The following OR1J2 variants were observed in gnomAD, a reference collection of about 807,000 sequenced individuals.
The protein encoded by OR1J2 is olfactory receptor 1J2.
For synonymous variants in OR1J2, 142 were observed against 99.7 expected, an observed-to-expected ratio of 1.42 and a Z score of -2.52; for missense variants, 304 against 246.1, an observed-to-expected ratio of 1.24 and a Z score of -1.57.
chr9:122,546,990 G>A, the OR1J2 span, among the ~76,000 whole-genome samples: 6,949 of 152,066 alleles, frequency 0.046, 224 homozygotes, highest in Middle Eastern at 0.078. Flanking sequence ...TTGAAACTAT[G>A]TAATGTATTA....
At chr9:122,481,114 C>T in the OR1J2 span, among the ~76,000 whole-genome samples, 3 of 152,036 alleles carry the variant, frequency 2.0e-5, no homozygotes, top group Non-Finnish European at 4.4e-5. Context: ...TCTAAAAGGC[C>T]CTAGTGTGAG....
At chr9:122,578,132 T>C in the OR1J2 span, among the ~76,000 whole-genome samples, 72 of 152,292 alleles carry the variant, frequency 4.7e-4, no homozygotes, top group Middle Eastern at 3.4e-3. Flanking sequence ...ATCCCACTAC[T>C]GGATATCCAC....
At chr9:122,551,153 T>C in the OR1J2 span, among the ~76,000 whole-genome samples, 1 of 152,152 alleles carries the variant, frequency 6.6e-6, no homozygotes. Context: ...TCAATCCCAT[T>C]TACAATAGCT....
chr9:122,540,334 G>A, the OR1J2 span, among the ~76,000 whole-genome samples: 1 of 152,116 alleles, frequency 6.6e-6, no homozygotes, highest in Non-Finnish European at 1.5e-5. Flanking sequence ...TTCTACATAT[G>A]GCTAGCCAGT....
the OR1J2 span, among the ~76,000 whole-genome samples, chr9:122,563,217 C>G: frequency 5.3e-5 from 8 of 150,636 alleles, no homozygotes; most frequent in Admixed American, 5.3e-4. Context: ...AATAGCCATT[C>G]TAACTGGGAT....
At chr9:122,512,574 T>C (rs1433014637), downstream of OR1J2, among the ~76,000 whole-genome samples, 2 of 152,202 alleles carry the variant, frequency 1.3e-5, no homozygotes, top group African/African-American at 4.8e-5. Context: ...ATTTCAGTAA[T>C]AGAGAAATCA....
the OR1J2 span, among the ~76,000 whole-genome samples, chr9:122,497,635 T>C: frequency 6.6e-6 from 1 of 152,158 alleles, no homozygotes; most frequent in Non-Finnish European, 1.5e-5. Flanking sequence ...TCATTTATTA[T>C]TTGTATGCAT....
At chr9:122,518,387 A>G in the OR1J2 span, among the ~76,000 whole-genome samples, 1 of 152,244 alleles carries the variant, frequency 6.6e-6, no homozygotes, top group Non-Finnish European at 1.5e-5. Context: ...CCCCAGATCA[A>G]GGTACCAGCA....
At chr9:122,568,909 T>C in the OR1J2 span, among the ~76,000 whole-genome samples, 1 of 152,098 alleles carries the variant, frequency 6.6e-6, no homozygotes, top group Non-Finnish European at 1.5e-5. Flanking sequence ...GGGATACATT[T>C]TATGAACAAA....
the OR1J2 span, among the ~76,000 whole-genome samples, chr9:122,481,239 G>A: frequency 6.6e-6 from 1 of 152,148 alleles, no homozygotes; most frequent in Admixed American, 6.5e-5. Context: ...AATGGACTTT[G>A]GCTTCATCCA....
the OR1J2 span, chr9:122,567,139 CTT>C: frequency 6.5e-6 from 1 of 155,018 alleles, no homozygotes; most frequent in Non-Finnish European, 1.4e-5. Context: ...CATTCTTTCT[CTT>C]TTCAATTTTT....
chr9:122,486,838 A>G, the OR1J2 span, among the ~76,000 whole-genome samples: 16,921 of 152,262 alleles, frequency 0.11, 1,134 homozygotes, highest in South Asian at 0.17. Context: ...CCTCCAGCAG[A>G]GCATTGATGG....
the OR1J2 span, chr9:122,519,500 C>T: frequency 1.8e-3 from 2,941 of 1,614,078 alleles, 42 homozygotes; most frequent in African/African-American, 0.034. Flanking sequence ...CAATGGCATA[C>T]GATCGGTATG....
chr9:122,573,324 C>G, the OR1J2 span, among the ~76,000 whole-genome samples: 1 of 152,382 alleles, frequency 6.6e-6, no homozygotes, highest in African/African-American at 2.4e-5. Context: ...TTCTTAACTT[C>G]ACTGCAATAT....
the OR1J2 span, among the ~76,000 whole-genome samples, chr9:122,452,149 A>T: frequency 6.6e-6 from 1 of 152,144 alleles, no homozygotes; most frequent in Non-Finnish European, 1.5e-5. Flanking sequence ...AGGTGCTGGG[A>T]TTACAGGTGT....
the OR1J2 span, among the ~76,000 whole-genome samples, chr9:122,473,879 A>G: frequency 1.3e-5 from 2 of 152,354 alleles, no homozygotes; most frequent in Admixed American, 1.3e-4. Flanking sequence ...CTGCAAGTAT[A>G]CAATAGCATT....
the OR1J2 span, among the ~76,000 whole-genome samples, chr9:122,573,317 T>G: frequency 2.0e-5 from 3 of 152,390 alleles, no homozygotes; most frequent in Non-Finnish European, 1.5e-5. Flanking sequence ...TCAGAGCTTC[T>G]TAACTTCACT....
chr9:122,524,885 A>G, the OR1J2 span, among the ~76,000 whole-genome samples: 1 of 152,140 alleles, frequency 6.6e-6, no homozygotes, highest in Non-Finnish European at 1.5e-5. Context: ...GAGCTCTCCT[A>G]GGAGACCCTC....
At chr9:122,552,564 CAG>C in the OR1J2 span, among the ~76,000 whole-genome samples, 1,049 of 152,090 alleles carry the variant, frequency 6.9e-3, 12 homozygotes, top group African/African-American at 0.024. Context: ...AACATCCTAA[CAG>C]TGGATGGGGG....
Sources: allele counts gnomAD v4.1 joint callset (sites outside exome capture counted in the v4.1 genomes callset), GRCh38; gene constraint gnomAD v4.1.1; transcripts MANE v1.5; gene names NCBI Gene and HGNC (gene_info 2026-07-23, HGNC 2026-07-21).